Variants in CCAR2 observed in about 807,000 individuals in gnomAD.
CCAR2 encodes cell cycle and apoptosis regulator 2, also known as cell cycle and apoptosis regulator protein 2.
A neutral mutation model predicts 108.1 loss-of-function variants in CCAR2; 21 were observed. The observed-to-expected ratio is 0.19, with a 90% CI of 0.14 to 0.28. The LOEUF (loss-of-function observed/expected upper bound fraction) is 0.28, where lower values mean the gene tolerates loss of function less well. Among genes scored for constraint, CCAR2 ranks in the 10% least tolerant of loss-of-function variants. The pLI is 1.00. For missense variants in CCAR2, 1,126 were observed against 1,177.0 expected, an observed-to-expected ratio of 0.96 and a Z score of 0.63; for synonymous variants, 577 against 472.8, an observed-to-expected ratio of 1.22 and a Z score of -2.86.
chr8:22,607,037 C>G lies in CCAR2; in HGVS notation c.357+13C>G. On this transcript the variant is annotated intron_variant, in intron 5 of 20. Transcript: ENST00000308511. ...GCTCTCCAACCAGGTATTCATATCT[C>G]CTTAGCATGTGCATTGGAAAGGGAA... 2 of 1,613,300 alleles carry G rather than the reference C, an allele frequency of 1.2e-6. No homozygotes were observed. The highest frequency in any genetic ancestry group is 1.7e-5 in the Admixed American group (1 of 59,936).
chr8:22,613,876 ATAAG>A, intron 8 of CCAR2: 2 of 578,976 alleles, frequency 3.5e-6, no homozygotes, highest in East Asian at 5.7e-5. Context: ...GTCATGTGTT[ATAAG>A]TGTTTTCTTT....
At position 22,619,822 on chromosome 8, in the gene CCAR2, G is replaced by C; in HGVS notation, c.*140G>C. The C allele has an allele frequency of 1.2e-6, 1 of 861,832 alleles. No homozygotes were observed. Among genetic ancestry groups the C allele is most frequent in the Non-Finnish European group, 1.8e-6 (1 of 544,408 alleles). The allele number at this position is 861,832 out of a possible 1,614,324, so 53.4% of individuals were successfully genotyped here. ...GCTGACCCCATGCTCAGCCTCTAGG[G>C]GACGGCAGGCCATCAGGCTGGGGGC... is the stretch of plus-strand genomic sequence containing the variant. On this transcript the variant is annotated 3_prime_UTR_variant, in exon 21 of 21. Coordinates refer to ENST00000308511, the MANE Select transcript of CCAR2 (RefSeq NM_001393997.1).
rs1442296550 is a variant in CCAR2, at chr8:22,619,357, T to TAA, written c.2727+3_2727+4dup. 1 of 1,555,820 alleles carries TAA rather than the reference T, an allele frequency of 6.4e-7. No homozygotes were observed. The highest frequency in any genetic ancestry group is 1.9e-5 in the Admixed American group (1 of 51,686). ...GAGATCCAGCGGGTGGTGGAAAAGG[T>TAA]AAGGTGGGGGTGGACCAGGAGGCAG... is the stretch of plus-strand genomic sequence containing the variant. On this transcript the variant is annotated splice_region_variant and intron_variant, in intron 20 of 20. Transcript: ENST00000308511.
Position 22,614,193 on chromosome 8 carries a change from T to C in CCAR2, c.806T>C (p.Leu269Pro), listed in dbSNP as rs200966293. The C allele has an allele frequency of 1.7e-5, 27 of 1,614,118 alleles. No homozygotes were observed. Among genetic ancestry groups the C allele is most frequent in the Non-Finnish European group, 2.2e-5 (26 of 1,180,036 alleles). ...CTGAGTTGGCTATCAGCCTTCCCCC[T>C]GAGCCAGCCCTTTTCCCTCCATCAT... ...VHLSWLSAFP[L>P]SQPFSLHHPS... Residue 269 changes from leucine (L) to proline (P), a missense_variant, in exon 9 of 21, where the codon CTG becomes CCG. Physicochemically the swap from Leu to Pro is moderately conservative, Grantham distance 98. Transcript: ENST00000308511.
In CCAR2 at chr8:22,614,513, G is replaced by A. The variant is rs780456536; in HGVS notation, c.1041+10G>A. On this transcript the variant is annotated intron_variant, in intron 10 of 20. Transcript: ENST00000308511. The stretch of plus-strand genomic sequence containing the variant: ...TCTGAAGCAGATTAAGGTAAGAGCT[G>A]GAGAGCAGGAGGAGATGCATTCACG... 1 of 1,607,680 alleles carries A rather than the reference G, an allele frequency of 6.2e-7. No individual in the cohort carries two copies. The highest frequency in any genetic ancestry group is 1.1e-5 in the South Asian group (1 of 90,990).
chr8:22,605,997 G>A (rs1439448385), intron 2 of CCAR2, 88 bp from the exon 3 acceptor site: 18 of 1,347,676 alleles, frequency 1.3e-5, no homozygotes, highest in Non-Finnish European at 1.6e-5. Context: ...GGCTGGAGCT[G>A]TAGCCTTTGG....
chr8:22,613,282 C>T (rs1437164522), intron 8 of CCAR2, 146 bp downstream of exon 8: 3 of 820,310 alleles, frequency 3.7e-6, no homozygotes, highest in Non-Finnish European at 5.0e-6. Context: ...GTTGTACATA[C>T]TGTTTGGTGG....
intron 7 of CCAR2, among the ~76,000 whole-genome samples, chr8:22,611,810 C>A (rs763152206): frequency 6.6e-6 from 1 of 152,134 alleles, no homozygotes; most frequent in Non-Finnish European, 1.5e-5. Context: ...CATATTTTTC[C>A]ACTATGTGTA....
At chr8:22,605,862 C>T in intron 2 of CCAR2, 31 bp downstream of exon 2, 7 of 1,604,990 alleles carry the variant, frequency 4.4e-6, no homozygotes, top group South Asian at 1.1e-5. Flanking sequence ...CTGGCCTCAT[C>T]CTGGGAAGTA....
At chr8:22,611,514 A>T (rs1051787341) in intron 7 of CCAR2, among the ~76,000 whole-genome samples, 10 of 151,988 alleles carry the variant, frequency 6.6e-5, no homozygotes, top group African/African-American at 2.4e-4. Flanking sequence ...CTTTAAAGGT[A>T]ACTGTTGTTA....
intron 1 of CCAR2, chr8:22,605,472 ATC>A (rs1801032773): frequency 5.8e-6 from 2 of 343,118 alleles, no homozygotes; most frequent in Non-Finnish European, 1.1e-5. Context: ...AAGTCTCTTG[ATC>A]TCTCTGAGCA....
At chr8:22,619,104 G>A (rs1801643928) in intron 19 of CCAR2, 46 bp from the exon 20 acceptor site, 1 of 1,601,274 alleles carries the variant, frequency 6.2e-7, no homozygotes, top group Admixed American at 1.7e-5. Context: ...CCTGTGCTCT[G>A]GGCCTTGATG....
chr8:22,616,760 G>C (rs1440452722), intron 14 of CCAR2: 1 of 158,168 alleles, frequency 6.3e-6, no homozygotes, highest in Non-Finnish European at 1.4e-5. Context: ...AGGTTGCAGT[G>C]AGCCGAGGTC....
rs201842111 is a variant in CCAR2 at position 22,617,480 on chromosome 8, C to T, written c.1906C>T (p.Arg636Trp). The T allele has an allele frequency of 6.9e-6, 11 of 1,604,178 alleles. No individual in the cohort carries two copies. The highest frequency in any genetic ancestry group is 8.5e-6 in the Non-Finnish European group (10 of 1,175,486). The change falls in exon 15 of 21, where the codon CGG (arginine) becomes TGG (tryptophan). Residue 636 changes from arginine to tryptophan, a missense_variant. Physicochemically the swap from Arg to Trp is moderately radical, Grantham distance 101 (BLOSUM62 -3). Transcript: ENST00000308511. The part of the protein sequence containing the change: ...SSGGEEEEKP[R>W]GEASEDLCEM... The stretch of plus-strand genomic sequence containing the variant: ...TGGGGGAGAGGAAGAAGAAAAACCC[C>T]GGGGCGAGGCTTCTGAGGACCTGTG...
chr8:22,608,336 C>G (rs78417029), intron 7 of CCAR2, among the ~76,000 whole-genome samples: 2,259 of 152,230 alleles, frequency 0.015, 56 homozygotes, highest in African/African-American at 0.052. Context: ...TTCAAAATGT[C>G]ATGTTGAGAT....
At chr8:22,620,536 G>A (rs1228069444), downstream of CCAR2, 1 of 146,558 alleles carries the variant, frequency 6.8e-6, no homozygotes, top group African/African-American at 2.5e-5. Flanking sequence ...CTCCCACCCA[G>A]CGCCTCTGCT....
intron 7 of CCAR2, among the ~76,000 whole-genome samples, chr8:22,611,064 TAA>T (rs2117432793): frequency 6.6e-6 from 1 of 150,846 alleles, no homozygotes; most frequent in East Asian, 2.0e-4. Flanking sequence ...AAAATTAAAA[TAA>T]TATAAATACG....
chr8:22,611,463 T>TAC (rs1240588045), intron 7 of CCAR2, among the ~76,000 whole-genome samples: 1 of 151,680 alleles, frequency 6.6e-6, no homozygotes, highest in Non-Finnish European at 1.5e-5. Context: ...TGTGTGTGTA[T>TAC]ATATATATGT....
At chr8:22,612,227 G>A (rs965176229) in intron 7 of CCAR2, among the ~76,000 whole-genome samples, 35 of 152,166 alleles carry the variant, frequency 2.3e-4, no homozygotes, top group Admixed American at 1.8e-3. Flanking sequence ...GATAACAGGC[G>A]TGAGCCACCG....
Sources: allele counts gnomAD v4.1 joint callset (sites outside exome capture counted in the v4.1 genomes callset), GRCh38; gene constraint gnomAD v4.1.1; transcripts MANE v1.5; gene names NCBI Gene and HGNC (gene_info 2026-07-23, HGNC 2026-07-21).